TINAGL1: variants seen among roughly 807,000 people sequenced by gnomAD.
TINAGL1 encodes tubulointerstitial nephritis antigen-like.
A neutral mutation model predicts 62.0 loss-of-function variants in TINAGL1; 34 were observed. The ratio of observed to expected loss-of-function variants is 0.55; its 90% CI spans 0.42 to 0.73. The LOEUF is 0.73. Ranked by LOEUF, TINAGL1 falls within the 30% of genes least tolerant of loss-of-function variation. The pLI, the probability that TINAGL1 is intolerant of heterozygous loss-of-function variation, is 0.00. For missense variants in TINAGL1, 516 were observed against 653.2 expected, an observed-to-expected ratio of 0.79 and a Z score of 2.29; for synonymous variants, 221 against 249.7, an observed-to-expected ratio of 0.88 and a Z score of 1.08.
chr1:31,580,063 C>CTGTG (rs67386887), intron 3 of TINAGL1, among the ~76,000 whole-genome samples: 250 of 149,408 alleles, frequency 1.7e-3, no homozygotes, highest in African/African-American at 5.7e-3. Flanking sequence ...TGTGTGTGCA[C>CTGTG]TGTGTGTGTG....
At position 31,583,205 on chromosome 1, in the gene TINAGL1, C is replaced by T; in HGVS notation, c.431C>T (p.Pro144Leu). ...GACCAAGAACCATGCCTGGTGGATC[C>T]AGACATGATCAAAGCCATCAACCAG... ...QCDQEPCLVD[P>L]DMIKAINQGN... Residue 144 changes from proline (P) to leucine (L), a missense_variant, in exon 4 of 12, where the codon CCA becomes CTA. Pro to Leu is a moderately conservative substitution (Grantham distance 98). Transcript: ENST00000271064. This position sits in a 1 kb window ranked among gnomAD's most constrained non-coding sequence, Gnocchi z 4.4. The T allele has an allele frequency of 6.2e-7, 1 of 1,614,184 alleles. No homozygotes were observed. Among genetic ancestry groups the T allele is most frequent in the South Asian group, 1.1e-5 (1 of 91,084 alleles).
Position 31,587,007 on chromosome 1 carries a change from C to T in TINAGL1, c.*28C>T. 2 of 1,440,998 alleles carry T rather than the reference C, an allele frequency of 1.4e-6. No homozygotes were observed. The highest frequency in any genetic ancestry group is 9.1e-7 in the Non-Finnish European group (1 of 1,100,348). 89.3% of individuals were successfully genotyped at this position (1,440,998 alleles called of 1,614,324 possible). On this transcript the variant is annotated 3_prime_UTR_variant, in exon 12 of 12. Transcript: ENST00000271064. ...CTGCGGGCACCACGCGGGGTCCGGC[C>T]TGGGATCCAGGCTAAGGGCCGGCGG... is the stretch of plus-strand genomic sequence containing the variant.
In TINAGL1 at chr1:31,584,595, T is replaced by G; in HGVS notation, c.583-83T>G. On this transcript the variant is annotated intron_variant, in intron 5 of 11. Transcript: ENST00000271064. This position sits in a 1 kb window ranked among gnomAD's most constrained non-coding sequence, Gnocchi z 4.0. ...ATTAAACTGCAGAAGGCCCTGGACTTGGTGGCCCTCCAGTGCCAATGGGCA... is the reference window on the plus strand; with the variant it reads ...ATTAAACTGCAGAAGGCCCTGGACTGGGTGGCCCTCCAGTGCCAATGGGCA... 6.3e-7 allele frequency: 1 copy of G among 1,595,708 alleles called. No homozygotes were observed. The highest frequency in any genetic ancestry group is 8.6e-7 in the Non-Finnish European group (1 of 1,167,316).
chr1:31,578,029 C>T (rs1010396404), intron 2 of TINAGL1: 4 of 352,964 alleles, frequency 1.1e-5, no homozygotes, highest in African/African-American at 4.4e-5. Flanking sequence ...GGTTGCTTAC[C>T]TTCTCTGGGC....
rs1214544538 is a variant in TINAGL1, at chr1:31,585,143, C to T, written c.858-8C>T. The T allele has an allele frequency of 6.4e-7, 1 of 1,570,382 alleles. No homozygotes were observed. The highest frequency in any genetic ancestry group is 1.4e-5 in the African/African-American group (1 of 74,014). ...TTCTGCCTTTGCTCCCTCTTGCTGCCTTTGCAGGGTGGTGTCTGACCACTG... is the reference window on the plus strand; with the variant it reads ...TTCTGCCTTTGCTCCCTCTTGCTGCTTTTGCAGGGTGGTGTCTGACCACTG... On this transcript the variant is annotated splice_region_variant and splice_polypyrimidine_tract_variant and intron_variant, in intron 7 of 11. Coordinates refer to ENST00000271064, the MANE Select transcript of TINAGL1 (RefSeq NM_022164.3). This position sits in a 1 kb window ranked among gnomAD's most constrained non-coding sequence, Gnocchi z 4.3.
In TINAGL1 at chr1:31,577,257, C is replaced by T. The variant is rs368568337; in HGVS notation, c.109C>T (p.Leu37=). ...GRRELAPGLH[L]RGIRDAGGRY... ...CCGGGAGCTAGCACCGGGTCTGCACCTGCGGGGCATCCGGGACGCGGGAGG... is the reference window on the plus strand; with the variant it reads ...CCGGGAGCTAGCACCGGGTCTGCACTTGCGGGGCATCCGGGACGCGGGAGG... Residue 37 remains leucine, a synonymous_variant, in exon 2 of 12, where the codon CTG becomes TTG. Transcript: ENST00000271064. This position sits in a 1 kb window ranked among gnomAD's most constrained non-coding sequence, Gnocchi z 5.4. 6.2e-7 allele frequency: 1 copy of T among 1,611,174 alleles called. No homozygotes were observed. Among genetic ancestry groups the T allele is most frequent in the South Asian group, 1.1e-5 (1 of 90,978 alleles).
chr1:31,587,075 A>G lies in TINAGL1; in HGVS notation c.*96A>G. 7.5e-7 allele frequency: 1 copy of G among 1,336,094 alleles called. No homozygotes were observed. Among genetic ancestry groups the G allele is most frequent in the Non-Finnish European group, 9.5e-7 (1 of 1,049,962 alleles). The allele number at this position is 1,336,094 out of a possible 1,614,324, so 82.8% of individuals were successfully genotyped here. On this transcript the variant is annotated 3_prime_UTR_variant, in exon 12 of 12. Transcript: ENST00000271064. ...CGGTGACCCCAGCCTCGCCCGACAG[A>G]GCCCGGGGCGCAGGCGGGCGCCAGG...
rs1313097161 is a variant in TINAGL1, at chr1:31,585,815, G to C, written c.1156G>C (p.Val386Leu). The stretch of plus-strand genomic sequence containing the variant: ...GGGAGGCATCTACAGCCACACGCCA[G>C]TGAGCCTTGGGAGGCCAGAGAGATA... ...YKGGIYSHTP[V>L]SLGRPERYRR... is the part of the protein sequence containing the mutation. Residue 386 changes from valine (V) to leucine (L), a missense_variant, in exon 10 of 12, where the codon GTG becomes CTG. By Grantham distance (32) the Val-to-Leu change is conservative (BLOSUM62 1). Coordinates refer to ENST00000271064, the MANE Select transcript of TINAGL1 (RefSeq NM_022164.3). The surrounding 1 kb of genome is among the most constrained non-coding windows in gnomAD (Gnocchi z 4.3). The C allele has an allele frequency of 6.2e-7, 1 of 1,612,570 alleles. No individual in the cohort carries two copies. The highest frequency in any genetic ancestry group is 1.3e-5 in the African/African-American group (1 of 74,892).
chr1:31,583,127 C>T lies in TINAGL1; in HGVS notation c.375-22C>T. 6.2e-7 allele frequency: 1 copy of T among 1,612,610 alleles called. No individual in the cohort carries two copies. The highest frequency in any genetic ancestry group is 8.5e-7 in the Non-Finnish European group (1 of 1,178,676). On this transcript the variant is annotated intron_variant, in intron 3 of 11. Transcript: ENST00000271064. The surrounding 1 kb of genome is among the most constrained non-coding windows in gnomAD (Gnocchi z 4.4). ...ATCCCCAGTCCCCCACTTACCCTTT[C>T]CTTCTCTCCTTTTCTCACCAGCACC...
intron 2 of TINAGL1, 81 bp from the exon 3 acceptor site, chr1:31,579,123 G>A: frequency 9.7e-7 from 1 of 1,032,468 alleles, no homozygotes; most frequent in Admixed American, 1.7e-5. Flanking sequence ...AAGGTTCAAG[G>A]TACCTGACCT....
At chr1:31,580,348 C>T in intron 3 of TINAGL1, 1 of 1,286,088 alleles carries the variant, frequency 7.8e-7, no homozygotes, top group Non-Finnish European at 1.0e-6. Context: ...TGTGGGCAGC[C>T]CTGGGGGCAA....
At position 31,577,132 on chromosome 1, in the gene TINAGL1, A is replaced by G; in HGVS notation, c.-15-2A>G. On this transcript the variant is annotated splice_acceptor_variant, in intron 1 of 11. Transcript: ENST00000271064. LOFTEE classifies it low-confidence loss of function (5UTR_SPLICE). The surrounding 1 kb of genome is among the most constrained non-coding windows in gnomAD (Gnocchi z 5.4). ...CTGCTGCCCACCATCTCTGCCCCCCAGGGCCCAGGAGCCACCATGTGGCGA... is the reference window on the plus strand; with the variant it reads ...CTGCTGCCCACCATCTCTGCCCCCCGGGGCCCAGGAGCCACCATGTGGCGA... 6.8e-7 allele frequency: 1 copy of G among 1,480,050 alleles called. No homozygotes were observed. Among genetic ancestry groups the G allele is most frequent in the Non-Finnish European group, 8.9e-7 (1 of 1,120,324 alleles). 91.7% of individuals were successfully genotyped at this position (1,480,050 alleles called of 1,614,324 possible). A position where few individuals can be genotyped will look rare whatever the true frequency, so the allele number is the denominator to read the frequency against.
chr1:31,582,579 A>G (rs1191680409), intron 3 of TINAGL1, among the ~76,000 whole-genome samples: 2 of 152,144 alleles, frequency 1.3e-5, no homozygotes, highest in Non-Finnish European at 2.9e-5. Flanking sequence ...CTGTGTTAAA[A>G]ATACCCTGGG....
At position 31,586,902 on chromosome 1, in the gene TINAGL1, G is replaced by C; in HGVS notation, c.1327G>C (p.Val443Leu). 6.5e-7 allele frequency: 1 copy of C among 1,546,932 alleles called. No homozygotes were observed. The highest frequency in any genetic ancestry group is 8.7e-7 in the Non-Finnish European group (1 of 1,148,410). ...ERGHFRIVRG[V>L]NECDIESFVL... ...GGGCCACTTCCGCATCGTGCGCGGC[G>C]TCAATGAGTGCGACATCGAGAGCTT... Residue 443 changes from valine to leucine, a missense_variant, in exon 12 of 12, where the codon GTC (valine) becomes CTC (leucine). Val to Leu is a conservative substitution (Grantham distance 32). Transcript: ENST00000271064.
chr1:31,586,949 C>T lies in TINAGL1; in HGVS notation c.1374C>T (p.Arg458=). 2.0e-6 allele frequency: 3 copies of T among 1,531,972 alleles called. No homozygotes were observed. Among genetic ancestry groups the T allele is most frequent in the Non-Finnish European group, 1.7e-6 (2 of 1,143,496 alleles). The allele number at this position is 1,531,972 out of a possible 1,614,324, so 94.9% of individuals were successfully genotyped here. A position where few individuals can be genotyped will look rare whatever the true frequency, so the allele number is the denominator to read the frequency against. ...IESFVLGVWG[R]VGMEDMGHH ...GCTTCGTGCTGGGCGTCTGGGGCCG[C>T]GTGGGCATGGAGGACATGGGTCATC... Residue 458 remains arginine, a synonymous_variant, in exon 12 of 12, where the codon CGC becomes CGT. Coordinates refer to ENST00000271064, the MANE Select transcript of TINAGL1 (RefSeq NM_022164.3).
chr1:31,583,209 C>G lies in TINAGL1; in HGVS notation c.435C>G (p.Asp145Glu), dbSNP rs764763164. ...AAGAACCATGCCTGGTGGATCCAGA[C>G]ATGATCAAAGCCATCAACCAGGGCA... ...CDQEPCLVDPDMIKAINQGNY... is the reference protein window; with the variant it reads ...CDQEPCLVDPEMIKAINQGNY... The change falls in exon 4 of 12, where the codon GAC (aspartate) becomes GAG (glutamate). Residue 145 changes from aspartate to glutamate, a missense_variant. Physicochemically the swap from Asp to Glu is conservative, Grantham distance 45. Transcript: ENST00000271064. This position sits in a 1 kb window ranked among gnomAD's most constrained non-coding sequence, Gnocchi z 4.4. 1 of 1,614,098 alleles carries G rather than the reference C, an allele frequency of 6.2e-7. No homozygotes were observed. The highest frequency in any genetic ancestry group is 1.3e-5 in the African/African-American group (1 of 74,932).
chr1:31,582,358 G>C (rs1258428115), intron 3 of TINAGL1, among the ~76,000 whole-genome samples: 1 of 152,020 alleles, frequency 6.6e-6, no homozygotes, highest in African/African-American at 2.4e-5. Flanking sequence ...AGGGGAGCAG[G>C]CAGATTGGTG....
intron 3 of TINAGL1, chr1:31,580,719 T>A (rs1448918816): frequency 2.4e-6 from 3 of 1,266,024 alleles, no homozygotes; most frequent in Non-Finnish European, 2.1e-6. Flanking sequence ...GTTCAGCATC[T>A]TGTAATAACA....
chr1:31,582,140 G>A (rs1238728371), intron 3 of TINAGL1, among the ~76,000 whole-genome samples: 3 of 152,130 alleles, frequency 2.0e-5, no homozygotes, highest in Non-Finnish European at 4.4e-5. Flanking sequence ...GACCAGCCTG[G>A]GCAACATAGC....
Sources: gnomAD v4.1 joint callset for allele counts (sites outside exome capture counted in the v4.1 genomes callset) on GRCh38, gnomAD v4.1.1 for gene constraint, Gnocchi (gnomAD v3.1) non-coding constraint, MANE v1.5 for transcripts, NCBI Gene and HGNC (gene_info 2026-07-23, HGNC 2026-07-21) for gene names.